ZCWPW2: variants seen among roughly 807,000 people sequenced by gnomAD.
The protein encoded by ZCWPW2 is zinc finger CW-type and PWWP domain containing 2.
A neutral mutation model predicts 46.6 loss-of-function variants in ZCWPW2; 45 were observed. The observed-to-expected ratio is 0.96, with a 90% CI of 0.76 to 1.24. The LOEUF (loss-of-function observed/expected upper bound fraction) is 1.24. Ranked by LOEUF, ZCWPW2 falls within the 50% of genes most tolerant of loss-of-function variation. ZCWPW2 has a pLI of 0.00. For synonymous variants in ZCWPW2, 152 were observed against 137.1 expected (o/e 1.11, Z -0.76); for missense variants, 429 against 403.9 (o/e 1.06, Z -0.53).
chr3:28,458,826 G>T (rs867448855), intron 4 of ZCWPW2, among the ~76,000 whole-genome samples: 3 of 152,124 alleles, frequency 2.0e-5, no homozygotes, highest in African/African-American at 7.2e-5. Context: ...GATGTGAAAG[G>T]TCTTTTCGTC....
At chr3:28,523,051 G>A (rs939188401) in intron 9 of ZCWPW2, among the ~76,000 whole-genome samples, 7 of 152,124 alleles carry the variant, frequency 4.6e-5, no homozygotes, top group Non-Finnish European at 7.4e-5. Flanking sequence ...ATAGAACAGA[G>A]AAATACTTCT....
chr3:28,451,571 A>G (rs1698226813), intron 4 of ZCWPW2, among the ~76,000 whole-genome samples: 1 of 152,106 alleles, frequency 6.6e-6, no homozygotes, highest in Non-Finnish European at 1.5e-5. Context: ...ATGCTCCCCT[A>G]TGGAGGAATA....
chr3:28,422,799 A>G lies in ZCWPW2; in HGVS notation c.332+9399A>G, dbSNP rs561273245. ...TGTGTGTGTGTTTTTTTTTAAGAAA[A>G]TGCTAAACTGTCTTCCAAAGTGGCT... On this transcript the variant is annotated intron_variant, in intron 3 of 9. Coordinates refer to ENST00000383768, the MANE Select transcript of ZCWPW2 (RefSeq NM_001040432.4). Among the ~76,000 whole-genome samples the G allele has an allele frequency of 8.5e-4, 130 of 152,134 alleles. 1 individual carries two copies. Among genetic ancestry groups the G allele is most frequent in the African/African-American group, 2.8e-3 (118 of 41,514 alleles).
intron 4 of ZCWPW2, among the ~76,000 whole-genome samples, chr3:28,459,229 G>T (rs1698537098): frequency 6.6e-6 from 1 of 152,040 alleles, no homozygotes; most frequent in Admixed American, 6.5e-5. Flanking sequence ...AATTAGCCAG[G>T]CATGCTGGCA....
In ZCWPW2 at chr3:28,442,166, C is replaced by T. The variant is rs185533629; in HGVS notation, c.492+6897C>T. Among the ~76,000 whole-genome samples the T allele has an allele frequency of 5.9e-4, 90 of 152,300 alleles. No homozygotes were observed. In the Middle Eastern group the frequency reaches 0.02, roughly 35 times the overall value. ...ACTAAATGCACCAGAGTAACACACCCAAATGAGGAATACGTTGCCTCCAAC... is the reference window on the plus strand; with the variant it reads ...ACTAAATGCACCAGAGTAACACACCTAAATGAGGAATACGTTGCCTCCAAC... On this transcript the variant is annotated intron_variant, in intron 4 of 9. Transcript: ENST00000383768.
chr3:28,359,400 A>G (rs1265300039), intron 1 of ZCWPW2, among the ~76,000 whole-genome samples: 1 of 152,100 alleles, frequency 6.6e-6, no homozygotes, highest in South Asian at 2.1e-4. Context: ...GTTCTATGCA[A>G]CGAAGCAGAA....
At chr3:28,459,336 C>T (rs976422421) in intron 4 of ZCWPW2, among the ~76,000 whole-genome samples, 4 of 151,722 alleles carry the variant, frequency 2.6e-5, no homozygotes, top group Admixed American at 6.6e-5. Flanking sequence ...CGCCACTGCA[C>T]TCCAGCCTGG....
Position 28,521,070 on chromosome 3 carries a change from A to G in ZCWPW2, c.863A>G (p.Asp288Gly). Reference protein sequence around the residue: ...QQALQPTATPDESEEGHGEEI... With the variant: ...QQALQPTATPGESEEGHGEEI... ...GCACTGCAACCCACAGCCACACCTGATGAATCAGAAGAAGGACATGGAGAG... is the reference window on the plus strand; with the variant it reads ...GCACTGCAACCCACAGCCACACCTGGTGAATCAGAAGAAGGACATGGAGAG... Residue 288 changes from aspartate to glycine, a missense_variant, in exon 9 of 10, where the codon GAT becomes GGT. Asp to Gly is a moderately conservative substitution (Grantham distance 94). Transcript: ENST00000383768. The G allele has an allele frequency of 6.2e-7, 1 of 1,610,658 alleles. No individual in the cohort carries two copies. The highest frequency in any genetic ancestry group is 8.5e-7 in the Non-Finnish European group (1 of 1,179,124).
At chr3:28,360,000 A>G (rs908788192) in intron 1 of ZCWPW2, among the ~76,000 whole-genome samples, 3 of 152,188 alleles carry the variant, frequency 2.0e-5, no homozygotes, top group African/African-American at 7.2e-5. Context: ...CAAATATATC[A>G]ATAATTACAT....
intron 4 of ZCWPW2, among the ~76,000 whole-genome samples, chr3:28,469,005 A>G (rs183243598): frequency 1.3e-5 from 2 of 152,184 alleles, no homozygotes; most frequent in Non-Finnish European, 2.9e-5. Flanking sequence ...TAGTAACTGC[A>G]ACAACTTTTC....
In ZCWPW2 at chr3:28,524,649, T is replaced by G. The variant is rs766856908; in HGVS notation, c.1032T>G (p.Asn344Lys). The G allele has an allele frequency of 2.8e-5, 45 of 1,580,758 alleles. No individual in the cohort carries two copies. Among genetic ancestry groups the G allele is most frequent in the Non-Finnish European group, 3.5e-5 (41 of 1,163,636 alleles). ...KAGECIEDIT[N>K]KFKEIDALMS... ...GAGAATGTATTGAGGATATAACTAATAAATTTAAAGAAATAGATGCTTTGA... is the reference window on the plus strand; with the variant it reads ...GAGAATGTATTGAGGATATAACTAAGAAATTTAAAGAAATAGATGCTTTGA... The change falls in exon 10 of 10, where the codon AAT becomes AAG. Residue 344 changes from asparagine to lysine, a missense_variant. Coordinates refer to ENST00000383768, the MANE Select transcript of ZCWPW2 (RefSeq NM_001040432.4).
At chr3:28,428,511 C>T (rs187663389) in intron 3 of ZCWPW2, 1 of 152,192 alleles carries the variant, frequency 6.6e-6, no homozygotes, top group African/African-American at 2.4e-5. Flanking sequence ...AGAGTTGGGA[C>T]TCATCAACTT....
At chr3:28,464,492 C>A (rs1698749902) in intron 4 of ZCWPW2, among the ~76,000 whole-genome samples, 1 of 152,082 alleles carries the variant, frequency 6.6e-6, no homozygotes, top group South Asian at 2.1e-4. Flanking sequence ...AGAGAAGACC[C>A]TCTAACAACC....
At chr3:28,447,953 C>T in intron 4 of ZCWPW2, 1 of 695,516 alleles carries the variant, frequency 1.4e-6, no homozygotes, top group Non-Finnish European at 2.5e-6. Flanking sequence ...GTCAGCAGGC[C>T]CTATGGTGTT....
intron 1 of ZCWPW2, among the ~76,000 whole-genome samples, chr3:28,385,016 A>T (rs1435400452): frequency 6.6e-6 from 1 of 152,220 alleles, no homozygotes; most frequent in Admixed American, 6.5e-5. Context: ...TATGTTTATA[A>T]GTGGTGCTAG....
intron 6 of ZCWPW2, among the ~76,000 whole-genome samples, chr3:28,495,050 A>C (rs1010801266): frequency 6.6e-6 from 1 of 151,930 alleles, no homozygotes; most frequent in Non-Finnish European, 1.5e-5. Flanking sequence ...GCTACCAATG[A>C]CTTTCTTCAC....
At chr3:28,507,245 AG>A (rs2125828752) in intron 6 of ZCWPW2, among the ~76,000 whole-genome samples, 1 of 152,312 alleles carries the variant, frequency 6.6e-6, no homozygotes, top group South Asian at 2.1e-4. Flanking sequence ...AAGTAGAAAA[AG>A]AATTAATTTT....
At chr3:28,364,191 G>A (rs1166898334) in intron 1 of ZCWPW2, among the ~76,000 whole-genome samples, 5 of 152,110 alleles carry the variant, frequency 3.3e-5, no homozygotes, top group East Asian at 1.9e-4. Flanking sequence ...AGTATAAGTT[G>A]GTACAACCAC....
rs565184926 is a variant in ZCWPW2 at position 28,517,001 on chromosome 3, A to T, written c.784+1380A>T. On this transcript the variant is annotated intron_variant, in intron 8 of 9. Coordinates refer to ENST00000383768, the MANE Select transcript of ZCWPW2 (RefSeq NM_001040432.4). ...CACTCCACTCTGGGTTACAGAAAGG[A>T]TGAAGTAGTTATTTTTAAAAAATAA... Among the ~76,000 whole-genome samples, 7 of 152,318 alleles carry T rather than the reference A, an allele frequency of 4.6e-5. No homozygotes were observed. In the East Asian group the frequency reaches 1.4e-3, roughly 29 times the overall value.
Sources: gnomAD v4.1 joint callset for allele counts (sites outside exome capture counted in the v4.1 genomes callset) on GRCh38, gnomAD v4.1.1 for gene constraint, MANE v1.5 for transcripts, NCBI Gene and HGNC (gene_info 2026-07-23, HGNC 2026-07-21) for gene names.